NAXD: variants seen among roughly 807,000 people sequenced by gnomAD.
The protein encoded by NAXD is NAD(P)HX dehydratase, also known as ATP-dependent (S)-NAD(P)H-hydrate dehydratase.
Under a neutral mutation model 35.8 loss-of-function variants are expected in NAXD, and 22 were observed. The observed-to-expected ratio is 0.62, with a 90% CI of 0.44 to 0.88. The LOEUF (loss-of-function observed/expected upper bound fraction) is 0.88, where lower values mean the gene tolerates loss of function less well. Ranked by LOEUF, NAXD falls within the 40% of genes least tolerant of loss-of-function variation. The probability of loss-of-function intolerance (pLI) is 0.00; values close to 1 mark genes in which losing one functional copy is unlikely to be tolerated. For synonymous variants in NAXD, 189 were observed against 177.6 expected (o/e 1.06, Z -0.51); for missense variants, 428 against 437.7 (o/e 0.98, Z 0.20).
intron 9 of NAXD, among the ~76,000 whole-genome samples, chr13:110,637,628 T>C (rs1425433136): frequency 1.3e-5 from 2 of 152,248 alleles, no homozygotes; most frequent in East Asian, 3.8e-4. Context: ...CTTAAAGATG[T>C]GAATTTTCTT....
chr13:110,629,547 C>T (rs1259369144), intron 5 of NAXD, among the ~76,000 whole-genome samples: 2 of 152,168 alleles, frequency 1.3e-5, no homozygotes, highest in African/African-American at 2.4e-5. Flanking sequence ...CAGGACATTT[C>T]ATATGAATGG....
Position 110,638,369 on chromosome 13 carries a change from T to A in NAXD, c.840-9T>A. ...TTCCCCACACCTCCTGCTGTCCCCCTCTCCGCAGGTCCAGCCCTCTCCTGG... is the reference window on the plus strand; with the variant it reads ...TTCCCCACACCTCCTGCTGTCCCCCACTCCGCAGGTCCAGCCCTCTCCTGG... On this transcript the variant is annotated splice_polypyrimidine_tract_variant and intron_variant, in intron 9 of 9. Coordinates refer to ENST00000680254, the MANE Select transcript of NAXD (RefSeq NM_001242882.2). The surrounding 1 kb of genome is among the most constrained non-coding windows in gnomAD (Gnocchi z 5.4). The A allele has an allele frequency of 6.2e-7, 1 of 1,613,544 alleles. No individual in the cohort carries two copies. Among genetic ancestry groups the A allele is most frequent in the Admixed American group, 1.7e-5 (1 of 60,010 alleles).
chr13:110,633,477 C>T (rs1032315500), intron 5 of NAXD, among the ~76,000 whole-genome samples: 18 of 152,360 alleles, frequency 1.2e-4, no homozygotes, highest in Admixed American at 2.6e-4. Flanking sequence ...AAGGGGCTCC[C>T]ACAGTGCAGT....
rs571805076 is a variant in NAXD, at chr13:110,626,460, G to C, written c.333-979G>C. 5.3e-5 allele frequency among the ~76,000 whole-genome samples: 8 copies of C among 152,054 alleles called. No homozygotes were observed. The East Asian group carries it at 1.6e-3, about 30-fold the overall frequency. On this transcript the variant is annotated intron_variant, in intron 4 of 9. Transcript: ENST00000680254. ...GCCAGTTAGACATCCAAGGGACGTG[G>C]CTAGAGGGCATTGGACAGTGGGGAC...
intron 5 of NAXD, 73 bp from the exon 6 acceptor site, chr13:110,634,472 T>G: frequency 6.8e-7 from 1 of 1,461,648 alleles, no homozygotes; most frequent in Non-Finnish European, 9.6e-7. Flanking sequence ...AGTTTCACCA[T>G]GAGTTTTGAG....
intron 4 of NAXD, among the ~76,000 whole-genome samples, chr13:110,626,556 G>A (rs1886491144): frequency 6.6e-6 from 1 of 151,880 alleles, no homozygotes; most frequent in Non-Finnish European, 1.5e-5. Context: ...AGGCGGAGGG[G>A]GGCTGGGGTT....
rs1051215272 is a variant in NAXD, at chr13:110,628,206, C to T, written c.441+659C>T. Among the ~76,000 whole-genome samples, 6 of 152,172 alleles carry T rather than the reference C, an allele frequency of 3.9e-5. No homozygotes were observed. The highest frequency in any genetic ancestry group is 2.0e-4 in the Admixed American group (3 of 15,280). On this transcript the variant is annotated intron_variant, in intron 5 of 9. Coordinates refer to ENST00000680254, the MANE Select transcript of NAXD (RefSeq NM_001242882.2). This position sits in a 1 kb window ranked among gnomAD's most constrained non-coding sequence, Gnocchi z 4.1. ...GCTCTGTGTTCCCTGCGTCCTCTGA[C>T]GCTCCCTGGGCTGGTGTGTCTCTGC... is the stretch of plus-strand genomic sequence containing the variant.
intron 5 of NAXD, among the ~76,000 whole-genome samples, chr13:110,631,104 C>G (rs1886680403): frequency 6.6e-6 from 1 of 152,188 alleles, no homozygotes; most frequent in African/African-American, 2.4e-5. Flanking sequence ...ATTAAGTCTT[C>G]TGGTTCCTGG....
chr13:110,619,117 G>C (rs1422604973), intron 1 of NAXD, among the ~76,000 whole-genome samples: 1 of 152,222 alleles, frequency 6.6e-6, no homozygotes, highest in Admixed American at 6.5e-5. Context: ...TTAATTTTGT[G>C]TCAGATCCTT....
At chr13:110,636,029 A>C (rs901037599) in intron 8 of NAXD, among the ~76,000 whole-genome samples, 1 of 152,256 alleles carries the variant, frequency 6.6e-6, no homozygotes, top group Non-Finnish European at 1.5e-5. Context: ...AAAGCCCCGA[A>C]GCTGATGCTG....
intron 8 of NAXD, 103 bp downstream of exon 8, chr13:110,635,691 C>T: frequency 8.0e-7 from 1 of 1,254,458 alleles, no homozygotes; most frequent in Non-Finnish European, 1.1e-6. Context: ...CACCCGTGTT[C>T]ACACACATTC....
At chr13:110,632,465 G>A (rs144684178) in intron 5 of NAXD, among the ~76,000 whole-genome samples, 21,692 of 152,084 alleles carry the variant, frequency 0.14, 1,817 homozygotes, top group Admixed American at 0.27. Flanking sequence ...ATCCGGCCCC[G>A]CCCACATCCT....
rs74127059 is a variant in NAXD at position 110,638,919 on chromosome 13, T to C, written c.*391T>C. 0.3 allele frequency: 111,522 copies of C among 366,972 alleles called. 18,169 individuals carry two copies. The highest frequency in any genetic ancestry group is 0.45 in the African/African-American group (21,264 of 47,168). 22.7% of individuals were successfully genotyped at this position (366,972 alleles called of 1,614,324 possible). A position where few individuals can be genotyped will look rare whatever the true frequency, so the allele number is the denominator to read the frequency against. On this transcript the variant is annotated 3_prime_UTR_variant, in exon 10 of 10. Coordinates refer to ENST00000680254, the MANE Select transcript of NAXD (RefSeq NM_001242882.2). This position sits in a 1 kb window ranked among gnomAD's most constrained non-coding sequence, Gnocchi z 5.4. Reference sequence around the variant, plus strand: ...CTGCCGGCGCCCTTCGTTCCTCCTCTGCTTCCCTTCCCTAGTCTTTCCTCC... The same window carrying C: ...CTGCCGGCGCCCTTCGTTCCTCCTCCGCTTCCCTTCCCTAGTCTTTCCTCC...
chr13:110,627,726 G>C (rs1474140790), intron 5 of NAXD, among the ~76,000 whole-genome samples, 179 bp downstream of exon 5: 2 of 152,234 alleles, frequency 1.3e-5, no homozygotes, highest in African/African-American at 4.8e-5. Flanking sequence ...GAACTGTGCT[G>C]AGATGTGCTT....
chr13:110,626,213 G>A (rs539977133), intron 4 of NAXD, among the ~76,000 whole-genome samples: 1 of 152,128 alleles, frequency 6.6e-6, no homozygotes, highest in East Asian at 1.9e-4. Flanking sequence ...GCTGTGGTAA[G>A]GACCTGTGGG....
At position 110,638,317 on chromosome 13, in the gene NAXD, C is replaced by G; in HGVS notation, c.840-61C>G. 6.2e-7 allele frequency: 1 copy of G among 1,612,418 alleles called. No homozygotes were observed. The highest frequency in any genetic ancestry group is 1.1e-5 in the South Asian group (1 of 90,882). ...GAGTCAAAACCAGAGCCCAGGGTAG[C>G]TGCGGCCCCCGGACCACGACGCCCA... On this transcript the variant is annotated intron_variant, in intron 9 of 9. Coordinates refer to ENST00000680254, the MANE Select transcript of NAXD (RefSeq NM_001242882.2). The surrounding 1 kb of genome is among the most constrained non-coding windows in gnomAD (Gnocchi z 5.4).
intron 1 of NAXD, 192 bp downstream of exon 1, chr13:110,615,839 G>A: frequency 1.6e-6 from 2 of 1,259,836 alleles, no homozygotes; most frequent in Non-Finnish European, 2.0e-6. Flanking sequence ...GGCAGCCCGC[G>A]CGCGGGGCCG....
chr13:110,624,507 G>A (rs943459043), intron 3 of NAXD, among the ~76,000 whole-genome samples: 5 of 152,196 alleles, frequency 3.3e-5, no homozygotes, highest in Non-Finnish European at 7.3e-5. Flanking sequence ...TGCCCAGGCT[G>A]GAGTGCAATG....
intron 5 of NAXD, among the ~76,000 whole-genome samples, chr13:110,634,106 C>T (rs562295564): frequency 1.3e-5 from 2 of 152,306 alleles, no homozygotes; most frequent in African/African-American, 4.8e-5. Context: ...TTGGGTCTTT[C>T]TGCTTCTCTA....
Sources: gnomAD v4.1 joint callset for allele counts (sites outside exome capture counted in the v4.1 genomes callset) on GRCh38, gnomAD v4.1.1 for gene constraint, Gnocchi (gnomAD v3.1) non-coding constraint, MANE v1.5 for transcripts, NCBI Gene and HGNC (gene_info 2026-07-23, HGNC 2026-07-21) for gene names.